The following NRCAM variants were observed in gnomAD, a reference collection of about 807,000 sequenced individuals.
NRCAM encodes the protein NgCAM-related cell adhesion molecule.
Under a neutral mutation model 156.5 loss-of-function variants are expected in NRCAM, and 83 were observed. The ratio of observed to expected loss-of-function variants is 0.53; its 90% CI spans 0.44 to 0.64. NRCAM has a LOEUF of 0.64. Among genes scored for constraint, NRCAM ranks in the 30% least tolerant of loss-of-function variants. NRCAM has a pLI of 0.00. For missense variants in NRCAM, 1,417 were observed against 1,597.3 expected, an observed-to-expected ratio of 0.89 and a Z score of 1.92; for synonymous variants, 538 against 563.9, an observed-to-expected ratio of 0.95 and a Z score of 0.65.
chr7:108,268,622 GGGTGGGGGGGGGT>G lies in NRCAM; in HGVS notation c.-106-28465_-106-28453del, dbSNP rs1233354027. ...GAAGAAATGAGCGGGGCGGGGGTGG[GGGTGGGGGGGGGT>G]TGGGGGGGGCGGCGGTGGCGGGAAG... On this transcript the variant is annotated intron_variant, in intron 3 of 32. Transcript: ENST00000379028. 2.1e-4 allele frequency among the ~76,000 whole-genome samples: 24 copies of G among 111,928 alleles called. 1 individual carries two copies. The highest frequency in any genetic ancestry group is 2.1e-3 in the East Asian group (6 of 2,844). 73.4% of individuals were successfully genotyped at this position (111,928 alleles called of 152,430 possible).
chr7:108,200,421 A>G (rs1416947874), intron 13 of NRCAM, among the ~76,000 whole-genome samples: 1 of 152,000 alleles, frequency 6.6e-6, no homozygotes, highest in African/African-American at 2.4e-5. Context: ...CCCTGAAAAC[A>G]CAGTGTACCT....
At chr7:108,374,405 C>T (rs1013298346) in intron 2 of NRCAM, among the ~76,000 whole-genome samples, 1 of 41,470 alleles carries the variant, frequency 2.4e-5, no homozygotes, top group Admixed American at 3.2e-4. Flanking sequence ...CATAAAACCC[C>T]AAGCAAAGCA....
intron 11 of NRCAM, among the ~76,000 whole-genome samples, chr7:108,222,195 G>A (rs2092518857): frequency 6.6e-6 from 1 of 152,180 alleles, no homozygotes; most frequent in East Asian, 1.9e-4. Flanking sequence ...AGATGGAGAT[G>A]AAAGCATAGT....
Position 108,194,259 on chromosome 7 carries a change from T to C in NRCAM, c.1630+3A>G, listed in dbSNP as rs773695961. 16 of 1,611,342 alleles carry C rather than the reference T, an allele frequency of 9.9e-6. No homozygotes were observed. Among genetic ancestry groups the C allele is most frequent in the Non-Finnish European group, 1.2e-5 (14 of 1,178,132 alleles). On this transcript the variant is annotated splice_donor_region_variant and intron_variant, in intron 16 of 32. Coordinates refer to ENST00000379028, the MANE Select transcript of NRCAM (RefSeq NM_001037132.4). Reference sequence around the variant, plus strand: ...AAAATTAAACACATTACCTCTGCCTTACCTTTGATTTCTAAGTGAACTTCA... The same window carrying C: ...AAAATTAAACACATTACCTCTGCCTCACCTTTGATTTCTAAGTGAACTTCA...
At chr7:108,418,560 T>TACACACAC (rs59582056) in intron 1 of NRCAM, among the ~76,000 whole-genome samples, 1,485 of 143,708 alleles carry the variant, frequency 0.01, 21 homozygotes, top group African/African-American at 0.033. Context: ...ATACATATTA[T>TACACACAC]ACACACACAC....
intron 3 of NRCAM, among the ~76,000 whole-genome samples, chr7:108,307,954 C>T (rs2098743299): frequency 6.6e-6 from 1 of 152,196 alleles, no homozygotes; most frequent in Non-Finnish European, 1.5e-5. Context: ...ACCATGTGGA[C>T]CTGAACACCT....
chr7:108,218,224 A>C (rs1588745661), intron 11 of NRCAM, among the ~76,000 whole-genome samples: 1 of 142,192 alleles, frequency 7.0e-6, no homozygotes, highest in African/African-American at 2.7e-5. Flanking sequence ...GTGAGGTGAC[A>C]CCCCCACCCT....
At chr7:108,176,406 G>A in intron 27 of NRCAM, 24 bp downstream of exon 27, 4 of 1,592,072 alleles carry the variant, frequency 2.5e-6, no homozygotes, top group Non-Finnish European at 3.4e-6. Flanking sequence ...ATAATTATAT[G>A]GATTTTATAC....
intron 8 of NRCAM, among the ~76,000 whole-genome samples, chr7:108,230,529 T>C (rs1282020287): frequency 1.3e-5 from 2 of 152,156 alleles, no homozygotes; most frequent in Non-Finnish European, 2.9e-5. Flanking sequence ...GTGACCTTTC[T>C]CACCTTCTCC....
At chr7:108,191,967 C>T (rs11974528) in intron 17 of NRCAM, 114 bp from the exon 18 acceptor site, 43,921 of 1,249,708 alleles carry the variant, frequency 0.035, 1,845 homozygotes, top group African/African-American at 0.19. Context: ...ATGGTAAACA[C>T]TTTCAAAAGT....
At chr7:108,439,526 A>T (rs1002219979) in intron 1 of NRCAM, among the ~76,000 whole-genome samples, 3 of 152,210 alleles carry the variant, frequency 2.0e-5, no homozygotes, top group African/African-American at 7.2e-5. Context: ...CTACCATGAA[A>T]TACCACTCCA....
At chr7:108,366,091 G>A (rs986148763) in intron 2 of NRCAM, among the ~76,000 whole-genome samples, 2 of 152,186 alleles carry the variant, frequency 1.3e-5, no homozygotes, top group Admixed American at 6.5e-5. Flanking sequence ...AGGACACAGG[G>A]TTCAAGGTGC....
chr7:108,284,837 T>C (rs893094416), intron 3 of NRCAM, among the ~76,000 whole-genome samples: 2 of 152,202 alleles, frequency 1.3e-5, no homozygotes, highest in Non-Finnish European at 2.9e-5. Flanking sequence ...AGCACCTCGC[T>C]GGGGAGGGCA....
intron 3 of NRCAM, among the ~76,000 whole-genome samples, chr7:108,270,632 A>G (rs1366748227): frequency 6.6e-6 from 1 of 152,232 alleles, no homozygotes; most frequent in African/African-American, 2.4e-5. Context: ...AGGTAGAAAC[A>G]ATCCAAGTGT....
chr7:108,191,411 A>T, intron 18 of NRCAM, 128 bp from the exon 19 acceptor site: 4 of 706,034 alleles, frequency 5.7e-6, no homozygotes, highest in Non-Finnish European at 9.1e-6. Context: ...TAGCTGTGAG[A>T]CACAGCATTG....
At chr7:108,434,458 T>C (rs890037508) in intron 1 of NRCAM, among the ~76,000 whole-genome samples, 3 of 151,786 alleles carry the variant, frequency 2.0e-5, no homozygotes, top group Non-Finnish European at 2.9e-5. Flanking sequence ...GCTTCACATA[T>C]ACTGAGTTGA....
intron 11 of NRCAM, among the ~76,000 whole-genome samples, chr7:108,214,154 T>A (rs1409404735): frequency 6.6e-6 from 1 of 152,226 alleles, no homozygotes; most frequent in East Asian, 1.9e-4. Context: ...TTGCTTGGAA[T>A]AGCTTCAGAA....
At chr7:108,449,423 C>G (rs558882232) in intron 1 of NRCAM, among the ~76,000 whole-genome samples, 18 of 152,322 alleles carry the variant, frequency 1.2e-4, no homozygotes, top group Middle Eastern at 3.4e-3. Flanking sequence ...GCAGGCAAAA[C>G]AGGCCTCCTT....
At chr7:108,159,041 G>C (rs2047218868) in intron 32 of NRCAM, among the ~76,000 whole-genome samples, 1 of 152,128 alleles carries the variant, frequency 6.6e-6, no homozygotes, top group Non-Finnish European at 1.5e-5. Flanking sequence ...AGGAAAACTA[G>C]TTTCAAATTC....
Sources: gnomAD v4.1 joint callset for allele counts (sites outside exome capture counted in the v4.1 genomes callset) on GRCh38, gnomAD v4.1.1 for gene constraint, MANE v1.5 for transcripts, NCBI Gene and HGNC (gene_info 2026-07-23, HGNC 2026-07-21) for gene names.